RIT2: variants seen among roughly 807,000 people sequenced by gnomAD.
The protein encoded by RIT2 is GTP-binding protein Rit2.
A neutral mutation model predicts 23.7 loss-of-function variants in RIT2; 24 were observed. That is an observed-to-expected ratio of 1.01 (90% CI 0.73 to 1.43). The LOEUF (loss-of-function observed/expected upper bound fraction) is 1.43, where lower values mean the gene tolerates loss of function less well. Among genes scored for constraint, RIT2 ranks in the 40% most tolerant of loss-of-function variants. The pLI is 0.00. For synonymous variants in RIT2, 107 were observed against 91.1 expected (o/e 1.17, Z -0.99); for missense variants, 236 against 266.9 (o/e 0.88, Z 0.81).
intron 2 of RIT2, among the ~76,000 whole-genome samples, chr18:43,004,647 A>G (rs1195398833): frequency 4.0e-5 from 6 of 151,714 alleles, no homozygotes; most frequent in Non-Finnish European, 7.4e-5. Flanking sequence ...GGAATGAATG[A>G]CCTTGTACCA....
intron 1 of RIT2, among the ~76,000 whole-genome samples, chr18:43,097,983 T>C (rs1913594548): frequency 6.6e-6 from 1 of 151,960 alleles, no homozygotes; most frequent in South Asian, 2.1e-4. Context: ...ATTAGTTAGC[T>C]AGATATTAGC....
chr18:43,052,426 G>C (rs1912405253), intron 1 of RIT2, among the ~76,000 whole-genome samples: 1 of 152,070 alleles, frequency 6.6e-6, no homozygotes, highest in African/African-American at 2.4e-5. Context: ...GAAAAGAAAT[G>C]ATGAATATTT....
At chr18:42,810,845 T>C (rs1905831507) in intron 4 of RIT2, among the ~76,000 whole-genome samples, 1 of 152,072 alleles carries the variant, frequency 6.6e-6, no homozygotes, top group African/African-American at 2.4e-5. Flanking sequence ...TGCCTGGTTT[T>C]ACACGTTGTG....
At chr18:42,845,949 G>T (rs960027233) in intron 4 of RIT2, among the ~76,000 whole-genome samples, 3 of 151,866 alleles carry the variant, frequency 2.0e-5, no homozygotes, top group African/African-American at 7.2e-5. Context: ...AAATAAAGTT[G>T]TAAAATCAGT....
chr18:42,777,615 T>A (rs2143926274), intron 4 of RIT2, among the ~76,000 whole-genome samples: 1 of 152,286 alleles, frequency 6.6e-6, no homozygotes, highest in Non-Finnish European at 1.5e-5. Context: ...ATGTTGGAGT[T>A]CATTGTCAGT....
intron 4 of RIT2, among the ~76,000 whole-genome samples, chr18:42,864,773 A>G (rs1404486183): frequency 6.6e-6 from 1 of 152,164 alleles, no homozygotes; most frequent in Admixed American, 6.6e-5. Context: ...CACAAGCTTA[A>G]CAATTTTCAG....
In RIT2 at chr18:42,767,317, G is replaced by A. The variant is rs568549675; in HGVS notation, c.427-23597C>T. On this transcript the variant is annotated intron_variant, in intron 4 of 4. Coordinates refer to ENST00000326695, the MANE Select transcript of RIT2 (RefSeq NM_002930.4). ...GGGAACCCACCTCTTGCATCAGCAT[G>A]ACATGGATGTGAGACCTGGAGTCAA... Among the ~76,000 whole-genome samples the A allele has an allele frequency of 2.6e-5, 4 of 152,368 alleles. No individual in the cohort carries two copies. In the South Asian group the frequency reaches 8.3e-4, roughly 32 times the overall value.
intron 1 of RIT2, among the ~76,000 whole-genome samples, chr18:43,101,290 A>G (rs1405158353): frequency 6.6e-6 from 1 of 152,144 alleles, no homozygotes; most frequent in African/African-American, 2.4e-5. Flanking sequence ...ATTATTTTGT[A>G]CAGTGGCTGT....
intron 1 of RIT2, among the ~76,000 whole-genome samples, chr18:43,097,633 G>C (rs931832173): frequency 2.6e-5 from 4 of 151,876 alleles, no homozygotes; most frequent in East Asian, 1.9e-4. Context: ...GTTTGTATAA[G>C]AAAACAATAA....
At chr18:42,772,008 G>A (rs1003852077) in intron 4 of RIT2, among the ~76,000 whole-genome samples, 3 of 152,106 alleles carry the variant, frequency 2.0e-5, no homozygotes, top group African/African-American at 7.2e-5. Flanking sequence ...GATAGTGCAA[G>A]CAACTCAGAT....
intron 4 of RIT2, among the ~76,000 whole-genome samples, chr18:42,820,896 G>C (rs181765130): frequency 6.6e-6 from 1 of 152,256 alleles, no homozygotes; most frequent in African/African-American, 2.4e-5. Context: ...GGTCAGGTGG[G>C]AAGTGTTTGG....
At chr18:42,795,482 G>T (rs577876759) in intron 4 of RIT2, among the ~76,000 whole-genome samples, 3 of 152,226 alleles carry the variant, frequency 2.0e-5, no homozygotes, top group Non-Finnish European at 4.4e-5. Flanking sequence ...GGCAGGGCTC[G>T]GGACCGGCAG....
intron 4 of RIT2, among the ~76,000 whole-genome samples, chr18:42,895,720 G>A (rs1465424773): frequency 6.6e-6 from 1 of 152,118 alleles, no homozygotes; most frequent in Non-Finnish European, 1.5e-5. Flanking sequence ...GGAAGAACTC[G>A]GTAAGACACT....
rs1906906151 is a variant in RIT2 at position 42,846,271 on chromosome 18, A to C, written c.426+77301T>G. ...AACTCAGCAAAATTTACATTAAATA[A>C]ATAAATTCCCAGAAAAATAATACAT... is the stretch of plus-strand genomic sequence containing the variant. On this transcript the variant is annotated intron_variant, in intron 4 of 4. Transcript: ENST00000326695. Among the ~76,000 whole-genome samples, 4 of 152,066 alleles carry C rather than the reference A, an allele frequency of 2.6e-5. No homozygotes were observed. The South Asian group carries it at 8.3e-4, about 32-fold the overall frequency.
intron 4 of RIT2, among the ~76,000 whole-genome samples, chr18:42,797,533 G>A (rs1362043482): frequency 6.6e-6 from 1 of 151,952 alleles, no homozygotes; most frequent in Admixed American, 6.6e-5. Flanking sequence ...GTAATTATTT[G>A]CAAACTTGGG....
chr18:42,957,433 C>G (rs576384430), intron 3 of RIT2, among the ~76,000 whole-genome samples: 1 of 152,232 alleles, frequency 6.6e-6, no homozygotes, highest in South Asian at 2.1e-4. Flanking sequence ...CATATCATTT[C>G]AAATTACTCA....
At chr18:43,061,394 A>G (rs958034237) in intron 1 of RIT2, among the ~76,000 whole-genome samples, 5 of 152,128 alleles carry the variant, frequency 3.3e-5, no homozygotes, top group African/African-American at 1.2e-4. Flanking sequence ...TAGAAACATA[A>G]TAAGCAACGG....
chr18:42,997,878 A>T (rs1265596603), intron 2 of RIT2, among the ~76,000 whole-genome samples: 1 of 152,176 alleles, frequency 6.6e-6, no homozygotes, highest in East Asian at 1.9e-4. Context: ...GGATTTAAAC[A>T]TGCCTGATGA....
chr18:42,794,546 A>C (rs749184387), intron 4 of RIT2, among the ~76,000 whole-genome samples: 1 of 152,230 alleles, frequency 6.6e-6, no homozygotes, highest in Non-Finnish European at 1.5e-5. Flanking sequence ...ACATAAGCAA[A>C]CATGAGCTTA....
Sources: gnomAD v4.1 joint callset for allele counts (sites outside exome capture counted in the v4.1 genomes callset) on GRCh38, gnomAD v4.1.1 for gene constraint, MANE v1.5 for transcripts, NCBI Gene and HGNC (gene_info 2026-07-23, HGNC 2026-07-21) for gene names.